CAMTA1: variants seen among roughly 807,000 people sequenced by gnomAD.
The protein encoded by CAMTA1 is calmodulin-binding transcription activator 1.
CAMTA1 carries 27 observed loss-of-function variants against 170.9 expected under a neutral mutation model. The ratio of observed to expected loss-of-function variants is 0.16; its 90% CI spans 0.12 to 0.22. The LOEUF is 0.22. Among genes scored for constraint, CAMTA1 ranks in the 10% least tolerant of loss-of-function variants. CAMTA1 has a pLI of 1.00. For missense variants in CAMTA1, 1,619 were observed against 2,217.2 expected (o/e 0.73, Z 5.42); for synonymous variants, 833 against 891.5 (o/e 0.93, Z 1.17).
intron 2 of CAMTA1, among the ~76,000 whole-genome samples, chr1:6,821,198 T>C (rs780790501): frequency 4.6e-5 from 7 of 152,216 alleles, no homozygotes; most frequent in African/African-American, 7.2e-5. Flanking sequence ...CTTTAACCTT[T>C]TAAAAATCTT....
intron 3 of CAMTA1, among the ~76,000 whole-genome samples, chr1:6,943,676 G>A (rs1456135022): frequency 1.3e-5 from 2 of 151,626 alleles, no homozygotes; most frequent in Non-Finnish European, 1.5e-5. Flanking sequence ...TGAAACCCCC[G>A]TCTCTACTAA....
chr1:7,452,400 T>A (rs780951308), intron 5 of CAMTA1, among the ~76,000 whole-genome samples: 1 of 152,232 alleles, frequency 6.6e-6, no homozygotes, highest in Admixed American at 6.5e-5. Flanking sequence ...AAAATTAACT[T>A]TTTAAAGTCA....
chr1:7,022,030 C>T (rs930318893), intron 3 of CAMTA1, among the ~76,000 whole-genome samples: 3 of 152,206 alleles, frequency 2.0e-5, no homozygotes, highest in African/African-American at 7.2e-5. Context: ...CGCAGCTGGT[C>T]AGGGGCAAAG....
intron 22 of CAMTA1, among the ~76,000 whole-genome samples, chr1:7,756,527 G>T (rs1386326229): frequency 6.6e-6 from 1 of 152,148 alleles, no homozygotes; most frequent in Non-Finnish European, 1.5e-5. Flanking sequence ...TATAATAAAA[G>T]ATTTAGTGTC....
At position 7,565,111 on chromosome 1, in the gene CAMTA1, G is replaced by A. The variant is rs2150291880; in HGVS notation, c.511-75289G>A. ...TGTGGGTGCCAGGGGGCTCCCTGGG[G>A]AGACTCCTGCCAGTCACCTGTGCTA... On this transcript the variant is annotated intron_variant, in intron 6 of 22. Coordinates refer to ENST00000303635, the MANE Select transcript of CAMTA1 (RefSeq NM_015215.4). The surrounding 1 kb of genome is among the most constrained non-coding windows in gnomAD (Gnocchi z 4.5). 6.6e-6 allele frequency among the ~76,000 whole-genome samples: 1 copy of A among 151,980 alleles called. No homozygotes were observed. The highest frequency in any genetic ancestry group is 2.1e-4 in the South Asian group (1 of 4,790).
chr1:7,326,383 G>C (rs2149712807), intron 5 of CAMTA1, among the ~76,000 whole-genome samples: 1 of 152,190 alleles, frequency 6.6e-6, no homozygotes, highest in East Asian at 1.9e-4. Flanking sequence ...TTGAGAGATT[G>C]AATTCTGTCC....
chr1:7,343,122 A>G (rs571505204), intron 5 of CAMTA1, among the ~76,000 whole-genome samples: 4 of 152,374 alleles, frequency 2.6e-5, no homozygotes, highest in Admixed American at 2.6e-4. Context: ...GCCCAGAGGT[A>G]TAATAAAACC....
At chr1:7,090,847 C>A (rs1315265330) in intron 3 of CAMTA1, among the ~76,000 whole-genome samples, 1 of 152,060 alleles carries the variant, frequency 6.6e-6, no homozygotes, top group African/African-American at 2.4e-5. Context: ...GTGATTTTGG[C>A]TCAGGGGGTT....
rs2095980000 is a variant in CAMTA1, at chr1:7,663,679, G to A, written c.1132G>A (p.Val378Ile). The A allele has an allele frequency of 1.2e-6, 2 of 1,614,036 alleles. No homozygotes were observed. Among genetic ancestry groups the A allele is most frequent in the Non-Finnish European group, 1.7e-6 (2 of 1,180,054 alleles). Residue 378 changes from valine to isoleucine, a missense_variant, in exon 9 of 23, where the codon GTC becomes ATC. Val to Ile is a conservative substitution (Grantham distance 29, BLOSUM62 3). Around this residue, in one of 8 missense-constraint regions of CAMTA1, gnomAD observed 731 missense variants for 907.6 expected, o/e 0.81. Transcript: ENST00000303635. ...SDPDMVDSPVVTGVSGMAVAS... is the reference protein window; with the variant it reads ...SDPDMVDSPVITGVSGMAVAS... Reference sequence around the variant, plus strand: ...CCCGGACATGGTGGACAGCCCGGTGGTCACAGGTGTGTCCGGTATGGCGGT... The same window carrying A: ...CCCGGACATGGTGGACAGCCCGGTGATCACAGGTGTGTCCGGTATGGCGGT...
chr1:7,517,625 G>A (rs953974301), intron 6 of CAMTA1, among the ~76,000 whole-genome samples: 1 of 150,502 alleles, frequency 6.6e-6, no homozygotes, highest in African/African-American at 2.5e-5. Flanking sequence ...AGAAGGGTTG[G>A]GGAAATTCCT....
At chr1:7,276,419 C>T (rs771685331) in intron 5 of CAMTA1, among the ~76,000 whole-genome samples, 15 of 149,646 alleles carry the variant, frequency 1.0e-4, no homozygotes, top group Non-Finnish European at 1.8e-4. Context: ...AAGCAATTCT[C>T]CTGCCTCTAG....
At chr1:7,729,123 TC>T (rs768654821) in intron 11 of CAMTA1, among the ~76,000 whole-genome samples, 13,748 of 145,612 alleles carry the variant, frequency 0.094, 920 homozygotes, top group Admixed American at 0.13. Context: ...TCTTTTTTTT[TC>T]TTTTTTTTTT....
chr1:7,235,098 T>C (rs911296844), intron 4 of CAMTA1, among the ~76,000 whole-genome samples: 1 of 151,948 alleles, frequency 6.6e-6, no homozygotes, highest in Admixed American at 6.6e-5. Context: ...AAAATACAAA[T>C]TGATTTCTGA....
chr1:7,389,805 C>T (rs534714586), intron 5 of CAMTA1: 24 of 153,122 alleles, frequency 1.6e-4, no homozygotes, highest in African/African-American at 5.8e-4. Flanking sequence ...GGAGGAGGGA[C>T]CCAGGCAAGG....
At position 7,745,869 on chromosome 1, in the gene CAMTA1, C is replaced by T. The variant is rs770967725; in HGVS notation, c.4395C>T (p.Thr1465=). 95 of 1,614,058 alleles carry T rather than the reference C, an allele frequency of 5.9e-5. 1 individual carries two copies. In the Middle Eastern group the frequency reaches 6.6e-4, roughly 11 times the overall value. Residue 1465 remains threonine (T), a synonymous_variant, in exon 18 of 23, where the codon ACC becomes ACT. Transcript: ENST00000303635. The part of the protein sequence containing the change: ...QIRSAYNEPL[T]PSSNTSLSPV... ...GAAGTGCATATAACGAGCCTCTAAC[C>T]CCTTCTTCTAATACCAGCTTGAGCC...
chr1:6,839,374 T>A (rs1654720937), intron 3 of CAMTA1, among the ~76,000 whole-genome samples: 1 of 151,754 alleles, frequency 6.6e-6, no homozygotes, highest in Non-Finnish European at 1.5e-5. Flanking sequence ...AGAGCGAGAC[T>A]CTCTTAAAAA....
At position 6,974,914 on chromosome 1, in the gene CAMTA1, A is replaced by G. The variant is rs535931153; in HGVS notation, c.235-116390A>G. On this transcript the variant is annotated intron_variant, in intron 3 of 22. Coordinates refer to ENST00000303635, the MANE Select transcript of CAMTA1 (RefSeq NM_015215.4). ...ATATCAAGTATTTGTTGGAATAAAC[A>G]TAAGGCTTGCTATCTTCCTTGGACA... is the stretch of plus-strand genomic sequence containing the variant. Among the ~76,000 whole-genome samples the G allele has an allele frequency of 4.6e-5, 7 of 152,368 alleles. No homozygotes were observed. The South Asian group carries it at 1.2e-3, about 27-fold the overall frequency.
chr1:6,859,198 G>T (rs1014330092), intron 3 of CAMTA1, among the ~76,000 whole-genome samples: 1 of 146,986 alleles, frequency 6.8e-6, no homozygotes, highest in Admixed American at 6.7e-5. Context: ...TGTAAATCGC[G>T]TGTGTGTTGT....
In CAMTA1 at chr1:7,665,004, G is replaced by A. The variant is rs773078570; in HGVS notation, c.2457G>A (p.Met819Ile). 3 of 1,602,970 alleles carry A rather than the reference G, an allele frequency of 1.9e-6. No individual in the cohort carries two copies. Among genetic ancestry groups the A allele is most frequent in the African/African-American group, 1.3e-5 (1 of 74,966 alleles). ...GARAPFTQAE[M>I]CLPCCSPQQG... ...GGGCCCCCTTCACCCAGGCAGAGAT[G>A]TGCCTCCCCTGCTGTAGCCCCCAGC... Residue 819 changes from methionine (M) to isoleucine (I), a missense_variant, in exon 9 of 23, where the codon ATG becomes ATA. Met to Ile is a conservative substitution (Grantham distance 10, BLOSUM62 1). Coordinates refer to ENST00000303635, the MANE Select transcript of CAMTA1 (RefSeq NM_015215.4). The surrounding 1 kb of genome is among the most constrained non-coding windows in gnomAD (Gnocchi z 4.3).
Sources: allele counts gnomAD v4.1 joint callset (sites outside exome capture counted in the v4.1 genomes callset), GRCh38; gene constraint gnomAD v4.1.1; regional missense constraint gnomAD v4.1.1; non-coding constraint Gnocchi (gnomAD v3.1); transcripts MANE v1.5; gene names NCBI Gene and HGNC (gene_info 2026-07-23, HGNC 2026-07-21).